Variants in ST8SIA3 observed in about 807,000 individuals in gnomAD.
The protein encoded by ST8SIA3 is alpha-N-acetylneuraminate alpha-2,8-sialyltransferase ST8SIA3.
ST8SIA3 carries 17 observed loss-of-function variants against 34.5 expected under a neutral mutation model. The ratio of observed to expected loss-of-function variants is 0.49; its 90% confidence interval spans 0.34 to 0.74. ST8SIA3 has a LOEUF of 0.74. Ranked by LOEUF, ST8SIA3 falls within the 30% of genes least tolerant of loss-of-function variation. The pLI is 0.01. For missense variants in ST8SIA3, 354 were observed against 467.8 expected (o/e 0.76, Z 2.24); for synonymous variants, 172 against 176.1 (o/e 0.98, Z 0.19).
chr18:57,352,973 A>G lies in ST8SIA3; in HGVS notation c.127A>G (p.Lys43Glu), dbSNP rs766691594. 2.5e-6 allele frequency: 4 copies of G among 1,612,700 alleles called. No individual in the cohort carries two copies. In the East Asian group the frequency reaches 6.7e-5, roughly 27 times the overall value. ...LKKENIFTTP[K>E]YASPGAPRMY... ...AAAGGAGAACATCTTCACCACTCCC[A>G]AGTACGCCAGCCCGGGGGCGCCCCG... Residue 43 changes from lysine (K) to glutamate (E), a missense_variant, in exon 1 of 4, where the codon AAG becomes GAG. Lys to Glu is a moderately conservative substitution (Grantham distance 56). This residue lies in a region of ST8SIA3 where 184 missense variants were observed against 205.4 expected (regional missense o/e 0.90). Transcript: ENST00000324000.
chr18:57,354,374 G>T lies in ST8SIA3; in HGVS notation c.180-28G>T, dbSNP rs747103180. On this transcript the variant is annotated intron_variant, in intron 1 of 3. Transcript: ENST00000324000. ...GGCTTCCCCGAGCTGAGGCCAGCAC[G>T]CTTGTCTGTGCTCATGCTCCTCTCC... is the stretch of plus-strand genomic sequence containing the variant. 3.1e-6 allele frequency: 5 copies of T among 1,613,426 alleles called. No individual in the cohort carries two copies. The East Asian group carries it at 1.1e-4, about 36-fold the overall frequency.
At chr18:57,357,858 A>G (rs2144203469) in intron 3 of ST8SIA3, among the ~76,000 whole-genome samples, 1 of 152,356 alleles carries the variant, frequency 6.6e-6, no homozygotes, top group Non-Finnish European at 1.5e-5. Flanking sequence ...TTTTCTTTTT[A>G]GAAACGATGC....
rs939042099 is a variant in ST8SIA3, at chr18:57,362,742, C to G, written c.*2465C>G. ...CATCTCTGCTTATAAGGAGGACTTC[C>G]TGGAGATGATCCCAATAGATCACCC... On this transcript the variant is annotated 3_prime_UTR_variant, in exon 4 of 4. Coordinates refer to ENST00000324000, the MANE Select transcript of ST8SIA3 (RefSeq NM_015879.3). The G allele has an allele frequency of 4.6e-5, 7 of 152,284 alleles. No individual in the cohort carries two copies. The highest frequency in any genetic ancestry group is 1.3e-4 in the Admixed American group (2 of 15,302). 9.4% of individuals were successfully genotyped at this position (152,284 alleles called of 1,614,324 possible). A position where few individuals can be genotyped will look rare whatever the true frequency, so the allele number is the denominator to read the frequency against.
rs1443925650 is a variant in ST8SIA3, at chr18:57,365,463, C to A, written c.*5186C>A. 1 of 152,180 alleles carries A rather than the reference C, an allele frequency of 6.6e-6. No homozygotes were observed. The highest frequency in any genetic ancestry group is 1.5e-5 in the Non-Finnish European group (1 of 68,026). 9.4% of individuals were successfully genotyped at this position (152,180 alleles called of 1,614,324 possible). On this transcript the variant is annotated 3_prime_UTR_variant, in exon 4 of 4. Transcript: ENST00000324000. ...GGTGGAGAGCAAGCTTTAATATACA[C>A]TTTGTCTCAAGGCCAGCTCTTCATA... is the stretch of plus-strand genomic sequence containing the variant.
At chr18:57,354,250 G>A in intron 1 of ST8SIA3, 152 bp from the exon 2 acceptor site, 1 of 884,946 alleles carries the variant, frequency 1.1e-6, no homozygotes, top group Non-Finnish European at 1.7e-6. Flanking sequence ...GTGTGTGGGA[G>A]CAGAGGGTGG....
intron 3 of ST8SIA3, among the ~76,000 whole-genome samples, chr18:57,357,904 G>T (rs992143329): frequency 2.0e-5 from 3 of 152,212 alleles, no homozygotes; most frequent in African/African-American, 7.2e-5. Flanking sequence ...GATGTCCAAG[G>T]TTAGCAAAAC....
rs372611334 is a variant in ST8SIA3, at chr18:57,362,534, T to A, written c.*2257T>A. 6 of 152,186 alleles carry A rather than the reference T, an allele frequency of 3.9e-5. No individual in the cohort carries two copies. The South Asian group carries it at 1.2e-3, about 32-fold the overall frequency. The allele number at this position is 152,186 out of a possible 1,614,324, so 9.4% of individuals were successfully genotyped here. On this transcript the variant is annotated 3_prime_UTR_variant, in exon 4 of 4. Coordinates refer to ENST00000324000, the MANE Select transcript of ST8SIA3 (RefSeq NM_015879.3). ...TATCTCATCATAATGCCAAGGATTT[T>A]TGTTTGTTTTTTAAGTTCAGGGAGA...
Position 57,356,902 on chromosome 18 carries a change from T to C in ST8SIA3, c.303-11T>C, listed in dbSNP as rs2144201983. 1 of 1,545,108 alleles carries C rather than the reference T, an allele frequency of 6.5e-7. No homozygotes were observed. Among genetic ancestry groups the C allele is most frequent in the East Asian group, 2.2e-5 (1 of 44,480 alleles). ...AATGGAATGCTTTTCATGAATTTCTTTTTATTTTAGGCAAGAAATTCTTCA... is the reference window on the plus strand; with the variant it reads ...AATGGAATGCTTTTCATGAATTTCTCTTTATTTTAGGCAAGAAATTCTTCA... On this transcript the variant is annotated splice_polypyrimidine_tract_variant and intron_variant, in intron 2 of 3. Coordinates refer to ENST00000324000, the MANE Select transcript of ST8SIA3 (RefSeq NM_015879.3).
At position 57,352,750 on chromosome 18, in the gene ST8SIA3, A is replaced by G. The variant is rs774183688; in HGVS notation, c.-97A>G. ...CGCGCGCTCACACACACACACACACACACACACACACACACACACATATAT... is the reference window on the plus strand; with the variant it reads ...CGCGCGCTCACACACACACACACACGCACACACACACACACACACATATAT... On this transcript the variant is annotated 5_prime_UTR_variant, in exon 1 of 4. Coordinates refer to ENST00000324000, the MANE Select transcript of ST8SIA3 (RefSeq NM_015879.3). The G allele has an allele frequency of 8.6e-6, 6 of 700,978 alleles. No homozygotes were observed. The Admixed American group carries it at 1.3e-4, about 15-fold the overall frequency. 43.4% of individuals were successfully genotyped at this position (700,978 alleles called of 1,614,324 possible). A position where few individuals can be genotyped will look rare whatever the true frequency, so the allele number is the denominator to read the frequency against.
Position 57,368,367 on chromosome 18 carries a change from G to A in ST8SIA3, c.*8090G>A, listed in dbSNP as rs1190953343. The A allele has an allele frequency of 6.6e-6, 1 of 152,188 alleles. No homozygotes were observed. The highest frequency in any genetic ancestry group is 1.5e-5 in the Non-Finnish European group (1 of 68,034). The allele number at this position is 152,188 out of a possible 1,614,324, so 9.4% of individuals were successfully genotyped here. On this transcript the variant is annotated 3_prime_UTR_variant, in exon 4 of 4. Transcript: ENST00000324000. ...GATGAAACCAAAAGGTCAAAAAGTA[G>A]AAGAATAGCGAATGTAAGTTATTAA...
chr18:57,355,442 G>A (rs906194725), intron 2 of ST8SIA3, among the ~76,000 whole-genome samples: 1 of 152,050 alleles, frequency 6.6e-6, no homozygotes, highest in Non-Finnish European at 1.5e-5. Flanking sequence ...TTTAATCTAT[G>A]GGCAGAATTA....
In ST8SIA3 at chr18:57,367,665, T is replaced by A. The variant is rs1375995988; in HGVS notation, c.*7388T>A. ...GTCAACCTGCATAAGTGGAATAAAG[T>A]CATTGAAGTACTTGCAAAAAGAAGA... On this transcript the variant is annotated 3_prime_UTR_variant, in exon 4 of 4. Transcript: ENST00000324000. 6.6e-6 allele frequency: 1 copy of A among 152,280 alleles called. No homozygotes were observed. Among genetic ancestry groups the A allele is most frequent in the South Asian group, 2.1e-4 (1 of 4,828 alleles). 9.4% of individuals were successfully genotyped at this position (152,280 alleles called of 1,614,324 possible). A position where few individuals can be genotyped will look rare whatever the true frequency, so the allele number is the denominator to read the frequency against.
chr18:57,354,932 C>T (rs12606549), intron 2 of ST8SIA3, among the ~76,000 whole-genome samples: 3,242 of 151,466 alleles, frequency 0.021, 222 homozygotes, highest in East Asian at 0.21. Context: ...CTGAAAAAAA[C>T]TTGAAAAATA....
rs768949892 is a variant in ST8SIA3 at position 57,368,804 on chromosome 18, C to T, written c.*8527C>T. ...ACTGTAGTTTGTGAAGAAAATGCAACCATTTGCTTCGACAGCTCCTCAAAT... is the reference window on the plus strand; with the variant it reads ...ACTGTAGTTTGTGAAGAAAATGCAATCATTTGCTTCGACAGCTCCTCAAAT... On this transcript the variant is annotated 3_prime_UTR_variant, in exon 4 of 4. Coordinates refer to ENST00000324000, the MANE Select transcript of ST8SIA3 (RefSeq NM_015879.3). 3 of 152,230 alleles carry T rather than the reference C, an allele frequency of 2.0e-5. No homozygotes were observed. Among genetic ancestry groups the T allele is most frequent in the Non-Finnish European group, 4.4e-5 (3 of 68,044 alleles). 9.4% of individuals were successfully genotyped at this position (152,230 alleles called of 1,614,324 possible).
chr18:57,368,596 G>A lies in ST8SIA3; in HGVS notation c.*8319G>A, dbSNP rs2049874210. ...CTCTTGCTCTTTGGAAGAAGCCGAGGGCCTTAACAAATCAGACTGACCTCC... is the reference window on the plus strand; with the variant it reads ...CTCTTGCTCTTTGGAAGAAGCCGAGAGCCTTAACAAATCAGACTGACCTCC... On this transcript the variant is annotated 3_prime_UTR_variant, in exon 4 of 4. Transcript: ENST00000324000. 1 of 152,130 alleles carries A rather than the reference G, an allele frequency of 6.6e-6. No individual in the cohort carries two copies. Among genetic ancestry groups the A allele is most frequent in the South Asian group, 2.1e-4 (1 of 4,818 alleles). The allele number at this position is 152,130 out of a possible 1,614,324, so 9.4% of individuals were successfully genotyped here.
intron 3 of ST8SIA3, among the ~76,000 whole-genome samples, chr18:57,358,066 T>C (rs1185726546): frequency 6.6e-6 from 1 of 152,246 alleles, no homozygotes; most frequent in Non-Finnish European, 1.5e-5. Context: ...CTGGTGATTT[T>C]CAACTCTGGT....
intron 1 of ST8SIA3, among the ~76,000 whole-genome samples, chr18:57,353,445 C>CGGGCGG (rs2049777628): frequency 6.6e-6 from 1 of 152,108 alleles, no homozygotes; most frequent in Non-Finnish European, 1.5e-5. Context: ...CGGGGCGGTG[C>CGGGCGG]TGGCGGTTTA....
chr18:57,358,833 G>C (rs2049813155), intron 3 of ST8SIA3, among the ~76,000 whole-genome samples: 3 of 152,156 alleles, frequency 2.0e-5, no homozygotes, highest in Admixed American at 2.0e-4. Context: ...ATGGTCTTTT[G>C]ATCTCCTTAT....
chr18:57,359,837 T>G (rs553262146), intron 3 of ST8SIA3, among the ~76,000 whole-genome samples, 158 bp from the exon 4 acceptor site: 1 of 152,332 alleles, frequency 6.6e-6, no homozygotes, highest in Non-Finnish European at 1.5e-5. Flanking sequence ...TAACCAGTTG[T>G]GCCCAGAAGT....
Sources: allele counts gnomAD v4.1 joint callset (sites outside exome capture counted in the v4.1 genomes callset), GRCh38; gene constraint gnomAD v4.1.1; regional missense constraint gnomAD v4.1.1; transcripts MANE v1.5; gene names NCBI Gene and HGNC (gene_info 2026-07-23, HGNC 2026-07-21).